The following ST3GAL1 variants were observed in gnomAD, a reference collection of about 807,000 sequenced individuals.
ST3GAL1 encodes CMP-N-acetylneuraminate-beta-galactosamide-alpha-2,3-sialyltransferase 1.
In ST3GAL1, 16 loss-of-function variants were observed where a neutral mutation model predicts 34.1. The ratio of observed to expected loss-of-function variants is 0.47; its 90% CI spans 0.32 to 0.71. The LOEUF is 0.71. Among genes scored for constraint, ST3GAL1 ranks in the 30% least tolerant of loss-of-function variants. ST3GAL1 has a pLI of 0.04. For missense variants in ST3GAL1, 353 were observed against 447.4 expected, an observed-to-expected ratio of 0.79 and a Z score of 1.90; for synonymous variants, 191 against 184.7, an observed-to-expected ratio of 1.03 and a Z score of -0.28.
At chr8:133,462,850 T>A (rs1815562745) in intron 8 of ST3GAL1, among the ~76,000 whole-genome samples, 1 of 152,228 alleles carries the variant, frequency 6.6e-6, no homozygotes, top group South Asian at 2.1e-4. Context: ...TCTTCAATTC[T>A]AGCCTTATCC....
rs1490271338 is a variant in ST3GAL1, at chr8:133,469,517, C to A, written c.307-3427G>T. Among the ~76,000 whole-genome samples the A allele has an allele frequency of 3.9e-5, 6 of 152,094 alleles. No homozygotes were observed. Among genetic ancestry groups the A allele is most frequent in the Non-Finnish European group, 8.8e-5 (6 of 68,036 alleles). On this transcript the variant is annotated intron_variant, in intron 5 of 9. Coordinates refer to ENST00000522652, the MANE Select transcript of ST3GAL1 (RefSeq NM_173344.3). The surrounding 1 kb of genome is among the most constrained non-coding windows in gnomAD (Gnocchi z 4.3). ...TATAGGTGTGAGCCACCATGCCTGG[C>A]CAAATAATAAAAATAAACTTATTAG...
At position 133,541,120 on chromosome 8, in the gene ST3GAL1, TAGAGAG is replaced by T. The variant is rs1554618899; in HGVS notation, c.-429+4648_-429+4653del. Among the ~76,000 whole-genome samples, 45 of 48,642 alleles carry T rather than the reference TAGAGAG, an allele frequency of 9.3e-4. 5 individuals carry two copies. Among genetic ancestry groups the T allele is most frequent in the African/African-American group, 4.0e-3 (41 of 10,136 alleles). 31.9% of individuals were successfully genotyped at this position (48,642 alleles called of 152,430 possible). A position where few individuals can be genotyped will look rare whatever the true frequency, so the allele number is the denominator to read the frequency against. ...ACATATATATATATATATATATATATAGAGAGAGAGAGAGAGAGAGAGAGAGAGAGA... is the reference window on the plus strand; with the variant it reads ...ACATATATATATATATATATATATATAGAGAGAGAGAGAGAGAGAGAGAGA... On this transcript the variant is annotated intron_variant, in intron 2 of 9. Transcript: ENST00000522652.
At chr8:133,496,880 C>T (rs1419041881) in intron 3 of ST3GAL1, among the ~76,000 whole-genome samples, 1 of 152,234 alleles carries the variant, frequency 6.6e-6, no homozygotes, top group Non-Finnish European at 1.5e-5. Context: ...GCCCCAGGAG[C>T]CCTTCTTTTT....
intron 3 of ST3GAL1, among the ~76,000 whole-genome samples, chr8:133,493,032 ACAGCTCTGTCC>A (rs200910059): frequency 2.8e-3 from 421 of 152,248 alleles, no homozygotes; most frequent in African/African-American, 8.9e-3. Context: ...GGTGCTAGAG[ACAGCTCTGTCC>A]CAGCTCTGTC....
At chr8:133,514,484 G>A (rs985226581) in intron 2 of ST3GAL1, among the ~76,000 whole-genome samples, 2 of 152,100 alleles carry the variant, frequency 1.3e-5, no homozygotes, top group Non-Finnish European at 2.9e-5. Flanking sequence ...GGGTGGGCTG[G>A]GGTTGCCCTG....
chr8:133,474,102 CAT>C (rs1268864583), intron 5 of ST3GAL1, among the ~76,000 whole-genome samples: 3 of 152,202 alleles, frequency 2.0e-5, no homozygotes, highest in African/African-American at 4.8e-5. Flanking sequence ...AAGTCTCACA[CAT>C]GTTTTCTGTT....
chr8:133,541,120 T>TATATAGAGAG lies in ST3GAL1; in HGVS notation c.-429+4653_-429+4654insCTCTCTATAT, dbSNP rs71299078. Among the ~76,000 whole-genome samples the TATATAGAGAG allele has an allele frequency of 5.8e-4, 28 of 48,644 alleles. 1 individual carries two copies. The highest frequency in any genetic ancestry group is 1.5e-3 in the African/African-American group (15 of 10,138). 31.9% of individuals were successfully genotyped at this position (48,644 alleles called of 152,430 possible). A position where few individuals can be genotyped will look rare whatever the true frequency, so the allele number is the denominator to read the frequency against. On this transcript the variant is annotated intron_variant, in intron 2 of 9. Transcript: ENST00000522652. ...ACATATATATATATATATATATATATAGAGAGAGAGAGAGAGAGAGAGAGA... is the reference window on the plus strand; with the variant it reads ...ACATATATATATATATATATATATATATATAGAGAGAGAGAGAGAGAGAGAGAGAGAGAGA...
intron 2 of ST3GAL1, among the ~76,000 whole-genome samples, chr8:133,529,801 C>G (rs973498161): frequency 2.0e-5 from 3 of 152,176 alleles, no homozygotes; most frequent in Admixed American, 1.3e-4. Flanking sequence ...TTTGTAACCC[C>G]CATTTGAGGG....
At chr8:133,529,902 C>A (rs556474427) in intron 2 of ST3GAL1, among the ~76,000 whole-genome samples, 1 of 152,208 alleles carries the variant, frequency 6.6e-6, no homozygotes. Context: ...CCCCGGGCCC[C>A]TCTGCTGCCA....
chr8:133,502,000 C>T (rs1366372250), intron 2 of ST3GAL1, among the ~76,000 whole-genome samples: 4 of 152,172 alleles, frequency 2.6e-5, no homozygotes, highest in Non-Finnish European at 2.9e-5. Flanking sequence ...CCCTGCGTGC[C>T]TTCTGTCAAC....
At position 133,461,847 on chromosome 8, in the gene ST3GAL1, C is replaced by G. The variant is rs746963509; in HGVS notation, c.849+28G>C. 6.2e-7 allele frequency: 1 copy of G among 1,613,344 alleles called. No individual in the cohort carries two copies. The highest frequency in any genetic ancestry group is 2.2e-5 in the East Asian group (1 of 44,844). ...CACAGGACGGTGAGCTTCGAGGCAG[C>G]CCTGTGGGCAGGGGGAGGGTGGCAT... is the stretch of plus-strand genomic sequence containing the variant. On this transcript the variant is annotated intron_variant, in intron 9 of 9. Transcript: ENST00000522652. The surrounding 1 kb of genome is among the most constrained non-coding windows in gnomAD (Gnocchi z 4.7).
intron 1 of ST3GAL1, among the ~76,000 whole-genome samples, chr8:133,563,997 G>A (rs923846851): frequency 1.3e-5 from 2 of 152,164 alleles, no homozygotes; most frequent in Non-Finnish European, 2.9e-5. Context: ...TATTCTGCAC[G>A]TCACTTTCAG....
intron 2 of ST3GAL1, among the ~76,000 whole-genome samples, chr8:133,517,672 A>G (rs1817687499): frequency 6.6e-6 from 1 of 152,190 alleles, no homozygotes; most frequent in Non-Finnish European, 1.5e-5. Context: ...CTTTGTGTCC[A>G]TCATGGTCAC....
At chr8:133,481,924 T>G (rs1292904191) in intron 3 of ST3GAL1, among the ~76,000 whole-genome samples, 1 of 152,060 alleles carries the variant, frequency 6.6e-6, no homozygotes, top group Non-Finnish European at 1.5e-5. Flanking sequence ...TTCTTTGTGG[T>G]TGTTTTTGCT....
chr8:133,499,526 C>A (rs1313483511), intron 2 of ST3GAL1: 1 of 152,064 alleles, frequency 6.6e-6, no homozygotes, highest in African/African-American at 2.4e-5. Context: ...ATGCAAAACA[C>A]CGAAATGGGG....
Position 133,475,907 on chromosome 8 carries a change from T to G in ST3GAL1, c.118A>C (p.Lys40Gln). 1 of 1,613,920 alleles carries G rather than the reference T, an allele frequency of 6.2e-7. No homozygotes were observed. Among genetic ancestry groups the G allele is most frequent in the Non-Finnish European group, 8.5e-7 (1 of 1,179,988 alleles). ...TCGGAGAGCTCCAGGACCATCTGCT[T>G]GGGGAACCAGGTGGTGGCCACCATG... is the stretch of plus-strand genomic sequence containing the variant. ...HTMVATTWFP[K>Q]QMVLELSENL... Residue 40 changes from lysine to glutamine, a missense_variant, in exon 5 of 10, where the codon AAG (lysine) becomes CAG (glutamine). By Grantham distance (53) the Lys-to-Gln change is moderately conservative (BLOSUM62 1). Transcript: ENST00000522652.
At chr8:133,494,838 G>C (rs1816893508) in intron 3 of ST3GAL1, among the ~76,000 whole-genome samples, 1 of 151,914 alleles carries the variant, frequency 6.6e-6, no homozygotes, top group African/African-American at 2.4e-5. Flanking sequence ...TCAGGGTGCT[G>C]GGTCACATGG....
intron 3 of ST3GAL1, among the ~76,000 whole-genome samples, chr8:133,492,161 C>G (rs553182367): frequency 1.3e-4 from 20 of 152,178 alleles, no homozygotes; most frequent in African/African-American, 4.6e-4. Context: ...GGTGGGAGAA[C>G]AGAGGCCAGT....
At chr8:133,534,855 G>C (rs1818263294) in intron 2 of ST3GAL1, among the ~76,000 whole-genome samples, 1 of 152,210 alleles carries the variant, frequency 6.6e-6, no homozygotes, top group African/African-American at 2.4e-5. Context: ...CTCGGTGCTG[G>C]TGAGGGAAAG....
Sources: gnomAD v4.1 joint callset for allele counts (sites outside exome capture counted in the v4.1 genomes callset) on GRCh38, gnomAD v4.1.1 for gene constraint, Gnocchi (gnomAD v3.1) non-coding constraint, MANE v1.5 for transcripts, NCBI Gene and HGNC (gene_info 2026-07-23, HGNC 2026-07-21) for gene names.